CCT2: variants seen among roughly 807,000 people sequenced by gnomAD.
CCT2 encodes the protein chaperonin containing TCP1 subunit 2.
A neutral mutation model predicts 61.8 loss-of-function variants in CCT2; 18 were observed. The observed-to-expected ratio is 0.29, with a 90% confidence interval of 0.20 to 0.43. The LOEUF is 0.43. Among genes scored for constraint, CCT2 ranks in the 20% least tolerant of loss-of-function variants. The pLI is 1.00. For missense variants in CCT2, 556 were observed against 656.9 expected, an observed-to-expected ratio of 0.85 and a Z score of 1.68; for synonymous variants, 248 against 215.9, an observed-to-expected ratio of 1.15 and a Z score of -1.30.
chr12:69,593,189 A>G (rs896513885), intron 9 of CCT2, 86 bp downstream of exon 9: 82 of 1,199,094 alleles, frequency 6.8e-5, no homozygotes, highest in Non-Finnish European at 7.9e-5. Context: ...TAGATTTTTT[A>G]CCTAGGAACT....
Position 69,585,471 on chromosome 12 carries a change from C to G in CCT2, c.-51C>G. The G allele has an allele frequency of 6.4e-7, 1 of 1,554,026 alleles. No homozygotes were observed. Among genetic ancestry groups the G allele is most frequent in the Non-Finnish European group, 8.7e-7 (1 of 1,147,722 alleles). Reference sequence around the variant, plus strand: ...TCCGGCTTCCTTCAGTCCGCTGGTCCCGAGCACGAGCTGTGAGGGGATTCA... The same window carrying G: ...TCCGGCTTCCTTCAGTCCGCTGGTCGCGAGCACGAGCTGTGAGGGGATTCA... On this transcript the variant is annotated 5_prime_UTR_variant, in exon 1 of 16. Transcript: ENST00000299300.
chr12:69,587,934 G>A lies in CCT2; in HGVS notation c.261G>A (p.Met87Ile). The A allele has an allele frequency of 6.2e-7, 1 of 1,610,706 alleles. No individual in the cohort carries two copies. The highest frequency in any genetic ancestry group is 8.5e-7 in the Non-Finnish European group (1 of 1,177,084). Residue 87 changes from methionine (M) to isoleucine (I), a missense_variant, in exon 5 of 16, where the codon ATG (methionine) becomes ATA (isoleucine). This residue lies in a region of CCT2 where 308 missense variants were observed against 350.6 expected (regional missense o/e 0.88). Coordinates refer to ENST00000299300, the MANE Select transcript of CCT2 (RefSeq NM_006431.3). Reference protein sequence around the residue: ...DNPAAKVLVDMSRVQDDEVGD... With the variant: ...DNPAAKVLVDISRVQDDEVGD... Reference sequence around the variant, plus strand: ...ATAACTAATTTCTTTTTCTAGATATGTCAAGGGTTCAAGATGATGAAGTTG... The same window carrying A: ...ATAACTAATTTCTTTTTCTAGATATATCAAGGGTTCAAGATGATGAAGTTG...
chr12:69,590,999 G>A (rs938789098), intron 7 of CCT2, among the ~76,000 whole-genome samples: 4 of 152,144 alleles, frequency 2.6e-5, no homozygotes, highest in Non-Finnish European at 5.9e-5. Context: ...GATTACAGGC[G>A]TGAGCCACCA....
At chr12:69,585,758 C>T (rs1212572273) in intron 1 of CCT2, 1 of 1,425,022 alleles carries the variant, frequency 7.0e-7, no homozygotes, top group Non-Finnish European at 9.2e-7. Flanking sequence ...TAGGTCTTTG[C>T]ATAGTCCCGG....
At chr12:69,591,055 A>T (rs997349099) in intron 7 of CCT2, among the ~76,000 whole-genome samples, 4 of 152,066 alleles carry the variant, frequency 2.6e-5, no homozygotes, top group Non-Finnish European at 5.9e-5. Flanking sequence ...GGTGGTAGGG[A>T]AGGAGCATTA....
Position 69,597,227 on chromosome 12 carries a change from G to A in CCT2, c.1054G>A (p.Val352Ile). 6.2e-7 allele frequency: 1 copy of A among 1,614,046 alleles called. No homozygotes were observed. The highest frequency in any genetic ancestry group is 1.1e-5 in the South Asian group (1 of 91,086). ...TGGAAGTTGCAAACTTATCGAGGAA[G>A]TCATGATTGGAGAAGACAAACTCAT... ...KLGSCKLIEE[V>I]MIGEDKLIHF... Residue 352 changes from valine (V) to isoleucine (I), a missense_variant, in exon 11 of 16, where the codon GTC becomes ATC. Val to Ile is a conservative substitution (Grantham distance 29). Coordinates refer to ENST00000299300, the MANE Select transcript of CCT2 (RefSeq NM_006431.3).
chr12:69,586,563 G>A (rs1881666403), intron 2 of CCT2, among the ~76,000 whole-genome samples, 190 bp from the exon 3 acceptor site: 1 of 152,070 alleles, frequency 6.6e-6, no homozygotes, highest in African/African-American at 2.4e-5. Flanking sequence ...AGCTACTCGG[G>A]AGGCTGAGGC....
chr12:69,586,545 G>C (rs1326167679), intron 2 of CCT2, among the ~76,000 whole-genome samples: 3 of 152,062 alleles, frequency 2.0e-5, no homozygotes, highest in Non-Finnish European at 2.9e-5. Flanking sequence ...ATGGGCACCT[G>C]TAATCCCAGC....
Position 69,598,552 on chromosome 12 carries a change from C to T in CCT2, c.1435+131C>T, listed in dbSNP as rs1287871596. 8.3e-6 allele frequency: 4 copies of T among 482,534 alleles called. No individual in the cohort carries two copies. The East Asian group carries it at 1.3e-4, about 16-fold the overall frequency. 29.9% of individuals were successfully genotyped at this position (482,534 alleles called of 1,614,324 possible). ...CTCTTTTGGACTTTGTCCTCATAAT[C>T]ATTACATGTGCTGGGAAAATGTGTG... On this transcript the variant is annotated intron_variant, in intron 14 of 15. Transcript: ENST00000299300.
Position 69,601,464 on chromosome 12 carries a change from T to A in CCT2, c.*139T>A. ...GTTTGGATATTTAGCTGACCTTCGC[T>A]TTAACATAGGTCTAATTTATTTGCC... On this transcript the variant is annotated 3_prime_UTR_variant, in exon 16 of 16. Coordinates refer to ENST00000299300, the MANE Select transcript of CCT2 (RefSeq NM_006431.3). 6.4e-7 allele frequency: 1 copy of A among 1,554,678 alleles called. No individual in the cohort carries two copies. The highest frequency in any genetic ancestry group is 8.7e-7 in the Non-Finnish European group (1 of 1,152,476).
chr12:69,592,251 GGATCATCTGA>G, intron 8 of CCT2, 92 bp downstream of exon 8: 1 of 644,656 alleles, frequency 1.6e-6, no homozygotes, highest in Non-Finnish European at 2.8e-6. Context: ...CCAAGGTGGT[GGATCATCTGA>G]GATCAGAAGT....
intron 1 of CCT2, 103 bp from the exon 2 acceptor site, chr12:69,586,167 G>A (rs1881647806): frequency 2.6e-6 from 3 of 1,162,364 alleles, no homozygotes; most frequent in Non-Finnish European, 3.8e-6. Flanking sequence ...TTGTAAATGA[G>A]TTTTCTCTTA....
Position 69,589,527 on chromosome 12 carries a change from G to A in CCT2, c.489G>A (p.Ala163=), listed in dbSNP as rs138151014. ...VKFRQDLMNI[A]GTTLSSKLLT... ...TCCGTCAAGATTTAATGAATATTGC[G>A]GGCACAACATTATCCTCAAAACTTC... The change falls in exon 7 of 16, where the codon GCG becomes GCA. Residue 163 remains alanine (A), a synonymous_variant. Transcript: ENST00000299300. 1.8e-4 allele frequency: 297 copies of A among 1,613,824 alleles called. No individual in the cohort carries two copies. Among genetic ancestry groups the A allele is most frequent in the Non-Finnish European group, 2.2e-4 (261 of 1,179,940 alleles).
At chr12:69,601,271 T>C (rs774760295) in intron 15 of CCT2, 24 bp from the exon 16 acceptor site, 1 of 1,577,520 alleles carries the variant, frequency 6.3e-7, no homozygotes, top group South Asian at 1.2e-5. Flanking sequence ...TTTTTCACTA[T>C]TGACTTTTTT....
chr12:69,598,549 AATC>A, intron 14 of CCT2, 128 bp downstream of exon 14: 1 of 492,618 alleles, frequency 2.0e-6, no homozygotes, highest in Non-Finnish European at 3.6e-6. Flanking sequence ...TTGTCCTCAT[AATC>A]ATTACATGTG....
At chr12:69,597,296 T>G in intron 11 of CCT2, 21 bp downstream of exon 11, 1 of 1,611,838 alleles carries the variant, frequency 6.2e-7, no homozygotes, top group Non-Finnish European at 8.5e-7. Context: ...ATGTAGATCC[T>G]GGTTAGGGTG....
At chr12:69,596,623 A>G (rs1360520226) in intron 10 of CCT2, among the ~76,000 whole-genome samples, 2 of 152,162 alleles carry the variant, frequency 1.3e-5, no homozygotes, top group African/African-American at 4.8e-5. Flanking sequence ...TGATAATTAG[A>G]GATATCAGGT....
At chr12:69,595,813 C>CATA (rs1881972786) in intron 10 of CCT2, among the ~76,000 whole-genome samples, 1 of 151,674 alleles carries the variant, frequency 6.6e-6, no homozygotes, top group African/African-American at 2.4e-5. Flanking sequence ...AGTACACCAA[C>CATA]TGTATGTCTA....
intron 10 of CCT2, among the ~76,000 whole-genome samples, chr12:69,594,846 T>C (rs77304224): frequency 7.1e-6 from 1 of 140,230 alleles, no homozygotes. Context: ...ACCCTGTCTT[T>C]AAAAAAAAAA....
Sources: allele counts gnomAD v4.1 joint callset (sites outside exome capture counted in the v4.1 genomes callset), GRCh38; gene constraint gnomAD v4.1.1; regional missense constraint gnomAD v4.1.1; transcripts MANE v1.5; gene names NCBI Gene and HGNC (gene_info 2026-07-23, HGNC 2026-07-21).